The following MARCHF11 variants were observed in gnomAD, a reference collection of about 807,000 sequenced individuals.
MARCHF11 encodes E3 ubiquitin-protein ligase MARCHF11.
In MARCHF11, 29 loss-of-function variants were observed where a neutral mutation model predicts 37.3. The ratio of observed to expected loss-of-function variants is 0.78; its 90% CI spans 0.58 to 1.06. MARCHF11 has a LOEUF of 1.06. Ranked by LOEUF, MARCHF11 falls within the 50% of genes least tolerant of loss-of-function variation. The probability of loss-of-function intolerance (pLI) is 0.00; values close to 1 mark genes in which losing one functional copy is unlikely to be tolerated. For synonymous variants in MARCHF11, 233 were observed against 228.0 expected (o/e 1.02, Z -0.20); for missense variants, 482 against 533.4 (o/e 0.90, Z 0.95).
chr5:16,113,773 CTTCT>C (rs1737185921), intron 2 of MARCHF11, among the ~76,000 whole-genome samples: 1 of 152,092 alleles, frequency 6.6e-6, no homozygotes, highest in Non-Finnish European at 1.5e-5. Context: ...ATATTTATCA[CTTCT>C]TTGTTTTGGG....
At chr5:16,102,598 G>T (rs937721566) in intron 2 of MARCHF11, among the ~76,000 whole-genome samples, 2 of 152,144 alleles carry the variant, frequency 1.3e-5, no homozygotes, top group African/African-American at 4.8e-5. Flanking sequence ...AACTCCAGGG[G>T]AAGACTGCCT....
chr5:16,128,724 A>C (rs1737461709), intron 2 of MARCHF11, among the ~76,000 whole-genome samples: 1 of 152,170 alleles, frequency 6.6e-6, no homozygotes, highest in Admixed American at 6.5e-5. Context: ...ATTTTAGTTC[A>C]CTGTTTATAT....
At chr5:16,069,920 C>A (rs1323529057) in intron 3 of MARCHF11, among the ~76,000 whole-genome samples, 1 of 152,066 alleles carries the variant, frequency 6.6e-6, no homozygotes, top group East Asian at 1.9e-4. Context: ...GGTCCCTTAC[C>A]AGGAGGTAAA....
Position 16,130,981 on chromosome 5 carries a change from GATA to G in MARCHF11, c.694-39903_694-39901del, listed in dbSNP as rs572799714. Among the ~76,000 whole-genome samples the G allele has an allele frequency of 4.4e-3, 673 of 152,238 alleles. 2 individuals carry two copies. The highest frequency in any genetic ancestry group is 8.1e-3 in the Non-Finnish European group (548 of 68,022). On this transcript the variant is annotated intron_variant, in intron 2 of 3. Coordinates refer to ENST00000332432, the MANE Select transcript of MARCHF11 (RefSeq NM_001102562.3). Reference sequence around the variant, plus strand: ...TATCTTCTTCATTTTAAGTTGATAAGATAATGTTGAATATTTACACGTGCCTTT... The same window carrying G: ...TATCTTCTTCATTTTAAGTTGATAAGATGTTGAATATTTACACGTGCCTTT...
chr5:16,131,414 T>A (rs1400814774), intron 2 of MARCHF11, among the ~76,000 whole-genome samples: 1 of 152,172 alleles, frequency 6.6e-6, no homozygotes. Flanking sequence ...TGAACTAGAA[T>A]AAATATACAA....
At chr5:16,139,802 G>A (rs780288019) in intron 2 of MARCHF11, among the ~76,000 whole-genome samples, 17 of 152,002 alleles carry the variant, frequency 1.1e-4, no homozygotes, top group Non-Finnish European at 2.4e-4. Context: ...GATCAAGTGA[G>A]TAAGAAATAA....
chr5:16,106,324 G>A (rs1737039025), intron 2 of MARCHF11, among the ~76,000 whole-genome samples: 1 of 152,156 alleles, frequency 6.6e-6, no homozygotes, highest in East Asian at 1.9e-4. Context: ...TCGGCAATCT[G>A]ATAGCTCTAT....
Position 16,147,547 on chromosome 5 carries a change from G to A in MARCHF11, c.693+30179C>T, listed in dbSNP as rs748601903. 5.9e-5 allele frequency among the ~76,000 whole-genome samples: 9 copies of A among 152,062 alleles called. No homozygotes were observed. In the South Asian group the frequency reaches 6.2e-4, roughly 11 times the overall value. ...AATAGTAGGTCCTAGTTCTAGACAC[G>A]GCCTGGGCACTATCTCTGGGAGCTT... On this transcript the variant is annotated intron_variant, in intron 2 of 3. Coordinates refer to ENST00000332432, the MANE Select transcript of MARCHF11 (RefSeq NM_001102562.3).
intron 2 of MARCHF11, among the ~76,000 whole-genome samples, chr5:16,114,619 C>T (rs1166188849): frequency 6.6e-6 from 1 of 151,974 alleles, no homozygotes; most frequent in African/African-American, 2.4e-5. Flanking sequence ...AGAGGATCCA[C>T]TGCCTGTGTG....
At chr5:16,068,192 T>A (rs1169267679) in intron 3 of MARCHF11, among the ~76,000 whole-genome samples, 1 of 152,152 alleles carries the variant, frequency 6.6e-6, no homozygotes, top group Non-Finnish European at 1.5e-5. Flanking sequence ...GGCAGTTTAG[T>A]TTGAGAAAGA....
At chr5:16,153,527 T>C (rs185022086) in intron 2 of MARCHF11, among the ~76,000 whole-genome samples, 2 of 152,120 alleles carry the variant, frequency 1.3e-5, no homozygotes, top group Non-Finnish European at 1.5e-5. Flanking sequence ...TTTTAGAATG[T>C]AGAAAAGGTG....
At chr5:16,172,554 C>T (rs1171102599) in intron 2 of MARCHF11, among the ~76,000 whole-genome samples, 2 of 152,174 alleles carry the variant, frequency 1.3e-5, no homozygotes, top group Non-Finnish European at 2.9e-5. Context: ...CATATGCAGA[C>T]ATTTTTAAGC....
At chr5:16,118,635 G>T (rs181546964) in intron 2 of MARCHF11, among the ~76,000 whole-genome samples, 2 of 152,298 alleles carry the variant, frequency 1.3e-5, no homozygotes, top group East Asian at 3.9e-4. Flanking sequence ...GATAGAGGAG[G>T]AATCAGGATT....
At chr5:16,128,616 G>A (rs1448844832) in intron 2 of MARCHF11, among the ~76,000 whole-genome samples, 1 of 152,190 alleles carries the variant, frequency 6.6e-6, no homozygotes, top group African/African-American at 2.4e-5. Flanking sequence ...CTAAGCTGGT[G>A]TGACCTGAGA....
chr5:16,172,478 G>T (rs1480888191), intron 2 of MARCHF11, among the ~76,000 whole-genome samples: 1 of 152,128 alleles, frequency 6.6e-6, no homozygotes, highest in African/African-American at 2.4e-5. Context: ...AATCTGCAAA[G>T]AATGGAAGTA....
At chr5:16,081,629 T>C (rs1736610854) in intron 3 of MARCHF11, among the ~76,000 whole-genome samples, 1 of 152,216 alleles carries the variant, frequency 6.6e-6, no homozygotes, top group African/African-American at 2.4e-5. Context: ...GAATATTGGC[T>C]CGACAGATTA....
chr5:16,072,510 C>CTG (rs34699021), intron 3 of MARCHF11, among the ~76,000 whole-genome samples: 21,846 of 146,556 alleles, frequency 0.15, 1,649 homozygotes, highest in African/African-American at 0.18. Context: ...CTCTCTCACT[C>CTG]TGTGTGTGTG....
chr5:16,078,361 C>T lies in MARCHF11; in HGVS notation c.887-10568G>A, dbSNP rs370768987. Among the ~76,000 whole-genome samples, 13 of 152,238 alleles carry T rather than the reference C, an allele frequency of 8.5e-5. No homozygotes were observed. In the East Asian group the frequency reaches 1.7e-3, roughly 20 times the overall value. On this transcript the variant is annotated intron_variant, in intron 3 of 3. Transcript: ENST00000332432. ...AAAATGCTTAGAATGTTGCCCAGATCACAGTAAATACAATCTTAGATATTA... is the reference window on the plus strand; with the variant it reads ...AAAATGCTTAGAATGTTGCCCAGATTACAGTAAATACAATCTTAGATATTA...
At chr5:16,109,052 A>G (rs1399520153) in intron 2 of MARCHF11, among the ~76,000 whole-genome samples, 1 of 151,968 alleles carries the variant, frequency 6.6e-6, no homozygotes, top group African/African-American at 2.4e-5. Context: ...AGGGATAATA[A>G]TACCTACTTC....
Sources: allele counts gnomAD v4.1 joint callset (sites outside exome capture counted in the v4.1 genomes callset), GRCh38; gene constraint gnomAD v4.1.1; transcripts MANE v1.5; gene names NCBI Gene and HGNC (gene_info 2026-07-23, HGNC 2026-07-21).